Variants in MBNL1 observed in about 807,000 individuals in gnomAD.
MBNL1 encodes the protein muscleblind like splicing regulator 1.
Under a neutral mutation model 42.2 loss-of-function variants are expected in MBNL1, and 8 were observed. That is an observed-to-expected ratio of 0.19 (90% CI 0.11 to 0.34). The LOEUF (loss-of-function observed/expected upper bound fraction) is 0.34. MBNL1 is among the 10% of genes least tolerant of loss of function. MBNL1 has a pLI of 1.00. For missense variants in MBNL1, 309 were observed against 495.3 expected (o/e 0.62, Z 3.57); for synonymous variants, 169 against 173.9 (o/e 0.97, Z 0.22).
chr3:152,372,675 C>T (rs1357875337), intron 2 of MBNL1, among the ~76,000 whole-genome samples: 3 of 152,170 alleles, frequency 2.0e-5, no homozygotes, highest in East Asian at 1.9e-4. Flanking sequence ...CTGGAAGTTT[C>T]GTCCCAGAGG....
chr3:152,329,687 CTT>C (rs2082836055), intron 2 of MBNL1, among the ~76,000 whole-genome samples: 2 of 142,126 alleles, frequency 1.4e-5, no homozygotes, highest in African/African-American at 5.2e-5. Context: ...ATATATATAT[CTT>C]ATATATTATA....
chr3:152,288,304 G>C (rs1431930838), intron 1 of MBNL1, among the ~76,000 whole-genome samples: 1 of 152,146 alleles, frequency 6.6e-6, no homozygotes, highest in Non-Finnish European at 1.5e-5. Context: ...ACCTATCTTG[G>C]TTATTTTAAT....
chr3:152,435,828 G>A (rs74737422), intron 4 of MBNL1, among the ~76,000 whole-genome samples: 3 of 152,138 alleles, frequency 2.0e-5, no homozygotes, highest in Non-Finnish European at 2.9e-5. Context: ...ATGCACTCCT[G>A]ATTTGGCTCT....
intron 1 of MBNL1, among the ~76,000 whole-genome samples, chr3:152,292,065 G>A (rs1418175164): frequency 6.6e-6 from 1 of 152,236 alleles, no homozygotes; most frequent in Admixed American, 6.5e-5. Flanking sequence ...GGAACAGAAG[G>A]TTGGGTGCTT....
intron 3 of MBNL1, among the ~76,000 whole-genome samples, chr3:152,416,978 T>G (rs779733979): frequency 3.9e-5 from 6 of 152,262 alleles, no homozygotes; most frequent in Non-Finnish European, 5.9e-5. Flanking sequence ...TTTCCTCATA[T>G]GACTAGATTT....
intron 1 of MBNL1, among the ~76,000 whole-genome samples, chr3:152,272,459 A>G (rs2042456215): frequency 6.6e-6 from 1 of 152,168 alleles, no homozygotes; most frequent in African/African-American, 2.4e-5. Context: ...ATTGTCCTGA[A>G]GTTACCAAAC....
At chr3:152,458,322 G>A (rs957204333) in intron 8 of MBNL1, 48 of 741,966 alleles carry the variant, frequency 6.5e-5, no homozygotes, top group African/African-American at 4.2e-4. Context: ...CCAGACTGTG[G>A]ATTGTAGTAT....
chr3:152,302,581 A>G (rs2061168896), intron 2 of MBNL1: 1 of 152,154 alleles, frequency 6.6e-6, no homozygotes, highest in Admixed American at 6.5e-5. Context: ...GTCCTCTTGT[A>G]TTCAGTCTTG....
intron 1 of MBNL1, among the ~76,000 whole-genome samples, chr3:152,285,812 G>A (rs1221838831): frequency 2.6e-5 from 4 of 151,648 alleles, no homozygotes; most frequent in East Asian, 1.9e-4. Context: ...CTGTAGAGAC[G>A]GAGGTCTCAC....
chr3:152,401,027 T>A (rs1378110610), intron 2 of MBNL1, among the ~76,000 whole-genome samples: 2 of 152,122 alleles, frequency 1.3e-5, no homozygotes, highest in Non-Finnish European at 1.5e-5. Context: ...ACTATCTAAA[T>A]AAGAATTTCT....
chr3:152,361,153 C>T (rs531260522), intron 2 of MBNL1, among the ~76,000 whole-genome samples: 92 of 152,086 alleles, frequency 6.0e-4, no homozygotes, highest in South Asian at 4.8e-3. Flanking sequence ...ATCATTGATT[C>T]GTTCAGTCAC....
At chr3:152,279,472 G>A (rs2047150742) in intron 1 of MBNL1, among the ~76,000 whole-genome samples, 1 of 151,780 alleles carries the variant, frequency 6.6e-6, no homozygotes, top group South Asian at 2.1e-4. Context: ...ACTGACATAA[G>A]TCAAGAAGAT....
In MBNL1 at chr3:152,331,691, T is replaced by TATTG. The variant is rs370931631; in HGVS notation, c.174+31346_174+31349dup. On this transcript the variant is annotated intron_variant, in intron 2 of 9. Coordinates refer to ENST00000324210, the MANE Select transcript of MBNL1 (RefSeq NM_021038.5). ...CATTTACATGTATTACTTCAAATGT[T>TATTG]ATTGATTGATTGATTGATTGATTGA... Among the ~76,000 whole-genome samples, 13 of 152,200 alleles carry TATTG rather than the reference T, an allele frequency of 8.5e-5. No homozygotes were observed. The South Asian group carries it at 1.0e-3, about 12-fold the overall frequency.
At chr3:152,366,301 C>G (rs1269034280) in intron 2 of MBNL1, among the ~76,000 whole-genome samples, 1 of 152,060 alleles carries the variant, frequency 6.6e-6, no homozygotes, top group Non-Finnish European at 1.5e-5. Context: ...TCTGTGATTT[C>G]AGGACATAAT....
intron 3 of MBNL1, among the ~76,000 whole-genome samples, chr3:152,421,474 TG>T (rs1388820195): frequency 6.6e-6 from 1 of 152,184 alleles, no homozygotes; most frequent in African/African-American, 2.4e-5. Flanking sequence ...GGAGCTTGGT[TG>T]GGGGAAGGCA....
At chr3:152,456,739 T>C (rs190260828) in intron 8 of MBNL1, among the ~76,000 whole-genome samples, 18 of 151,836 alleles carry the variant, frequency 1.2e-4, no homozygotes, top group Admixed American at 2.0e-4. Context: ...ATATACAGTT[T>C]CTTAGTTCTT....
chr3:152,268,919 G>C (rs993170988), upstream of MBNL1: 2 of 455,922 alleles, frequency 4.4e-6, no homozygotes, highest in African/African-American at 4.0e-5. Flanking sequence ...GCTGCACAGC[G>C]ACATGCAACA....
intron 1 of MBNL1, chr3:152,244,189 G>C (rs934950704): frequency 3.9e-5 from 6 of 152,148 alleles, no homozygotes; most frequent in Admixed American, 2.0e-4. Flanking sequence ...ATGTGTACAG[G>C]CACCAATTAT....
intron 4 of MBNL1, 85 bp downstream of exon 4, chr3:152,433,005 C>T (rs971772434): frequency 3.1e-6 from 4 of 1,278,484 alleles, no homozygotes; most frequent in South Asian, 2.7e-5. Context: ...TTTCCATGGC[C>T]AAAAAGTTGT....
Sources: gnomAD v4.1 joint callset for allele counts (sites outside exome capture counted in the v4.1 genomes callset) on GRCh38, gnomAD v4.1.1 for gene constraint, MANE v1.5 for transcripts, NCBI Gene and HGNC (gene_info 2026-07-23, HGNC 2026-07-21) for gene names.